Variants in ANO4 observed in about 807,000 individuals in gnomAD.
ANO4 encodes the protein anoctamin-4.
In ANO4, 69 loss-of-function variants were observed where a neutral mutation model predicts 141.9. The observed-to-expected ratio is 0.49, with a 90% CI of 0.40 to 0.59. ANO4 has a LOEUF of 0.59. Among genes scored for constraint, ANO4 ranks in the 20% least tolerant of loss-of-function variants. The pLI, the probability that ANO4 is intolerant of heterozygous loss-of-function variation, is 0.00. For missense variants in ANO4, 894 were observed against 1,162.2 expected, an observed-to-expected ratio of 0.77 and a Z score of 3.36; for synonymous variants, 350 against 394.3, an observed-to-expected ratio of 0.89 and a Z score of 1.33.
chr12:100,936,572 A>G (rs1297237645), intron 3 of ANO4, among the ~76,000 whole-genome samples: 1 of 152,208 alleles, frequency 6.6e-6, no homozygotes, highest in Non-Finnish European at 1.5e-5. Context: ...AAGGGGATAC[A>G]TACATATATC....
At chr12:100,950,447 A>G (rs1007431262) in intron 5 of ANO4, among the ~76,000 whole-genome samples, 1 of 152,204 alleles carries the variant, frequency 6.6e-6, no homozygotes, top group Non-Finnish European at 1.5e-5. Flanking sequence ...TTCAGGAGCT[A>G]CCAATGTCAG....
chr12:101,025,117 C>T (rs1353156271), intron 9 of ANO4, among the ~76,000 whole-genome samples: 1 of 152,198 alleles, frequency 6.6e-6, no homozygotes, highest in Non-Finnish European at 1.5e-5. Context: ...ACTTCCACTT[C>T]TGGCCAAGAT....
intron 2 of ANO4, among the ~76,000 whole-genome samples, chr12:100,736,150 T>A (rs2031601955): frequency 6.6e-6 from 1 of 152,098 alleles, no homozygotes; most frequent in Admixed American, 6.5e-5. Flanking sequence ...GGTGGCGGGA[T>A]GGGAGCCACG....
chr12:100,798,281 A>G (rs1001096552), intron 1 of ANO4, among the ~76,000 whole-genome samples: 5 of 152,196 alleles, frequency 3.3e-5, no homozygotes. Context: ...AATATTATTT[A>G]GCCAATATAA....
At chr12:100,991,513 T>TAAAAAAAAAAAAAAA (rs59975425) in intron 8 of ANO4, among the ~76,000 whole-genome samples, 1 of 111,172 alleles carries the variant, frequency 9.0e-6, no homozygotes, top group Non-Finnish European at 1.8e-5. Flanking sequence ...ATGAAAATAG[T>TAAAAAAAAAAAAAAA]AAAAAAAAAA....
chr12:100,960,610 A>T (rs2043376659), intron 5 of ANO4, among the ~76,000 whole-genome samples: 1 of 152,158 alleles, frequency 6.6e-6, no homozygotes, highest in South Asian at 2.1e-4. Context: ...AATAAAAAAA[A>T]AAAAGACAGA....
At chr12:101,066,280 A>C (rs1392198562) in intron 14 of ANO4, among the ~76,000 whole-genome samples, 1 of 152,230 alleles carries the variant, frequency 6.6e-6, no homozygotes, top group Non-Finnish European at 1.5e-5. Context: ...AATATGAGAA[A>C]GAAATAAATG....
At chr12:100,760,767 C>A (rs2032823158) in intron 3 of ANO4, among the ~76,000 whole-genome samples, 2 of 152,168 alleles carry the variant, frequency 1.3e-5, no homozygotes, top group Non-Finnish European at 2.9e-5. Context: ...GATTTCTATA[C>A]ATCGTCATGG....
intron 14 of ANO4, among the ~76,000 whole-genome samples, chr12:101,052,120 C>T (rs191480415): frequency 1.7e-4 from 26 of 152,058 alleles, no homozygotes; most frequent in Admixed American, 3.3e-4. Context: ...GTGTGTTCAC[C>T]GGAAAAAAAT....
intron 1 of ANO4, among the ~76,000 whole-genome samples, chr12:100,830,233 G>A (rs1156617106): frequency 6.6e-6 from 1 of 152,022 alleles, no homozygotes; most frequent in Non-Finnish European, 1.5e-5. Context: ...AAGCAACACA[G>A]TTTGCTGTTA....
intron 5 of ANO4, among the ~76,000 whole-genome samples, chr12:100,954,723 G>A (rs2043113993): frequency 6.6e-6 from 1 of 152,200 alleles, no homozygotes; most frequent in Admixed American, 6.5e-5. Context: ...TCTAACACCT[G>A]CCTTTGAGAC....
At chr12:100,745,151 C>G (rs2032047068) in intron 3 of ANO4, among the ~76,000 whole-genome samples, 1 of 152,226 alleles carries the variant, frequency 6.6e-6, no homozygotes, top group Non-Finnish European at 1.5e-5. Flanking sequence ...TCTCACCGCT[C>G]TGTACAGATG....
Position 100,731,570 on chromosome 12 carries a change from A to C in ANO4, c.23-2204A>C, listed in dbSNP as rs1009300132. ...TCACTCTTGGTTGTTGGGTAATTTA[A>C]TAATGACTTGTATCCACCATTGCAG... On this transcript the variant is annotated intron_variant, in intron 1 of 29. Coordinates refer to the ANO4 transcript ENST00000644049. Among the ~76,000 whole-genome samples, 3 of 152,218 alleles carry C rather than the reference A, an allele frequency of 2.0e-5. 1 individual carries two copies. The South Asian group carries it at 6.2e-4, about 32-fold the overall frequency.
At position 100,952,970 on chromosome 12, in the gene ANO4, A is replaced by T. The variant is rs559570542; in HGVS notation, c.456+10435A>T. ...ACTTCAGTCAAGACAGACCAACTTT[A>T]AGGGAAAAAAATACCCATTATACAA... is the stretch of plus-strand genomic sequence containing the variant. On this transcript the variant is annotated intron_variant, in intron 5 of 27. Transcript: ENST00000392977. 5.3e-5 allele frequency among the ~76,000 whole-genome samples: 8 copies of T among 152,270 alleles called. No individual in the cohort carries two copies. The East Asian group carries it at 1.3e-3, about 26-fold the overall frequency.
intron 1 of ANO4, among the ~76,000 whole-genome samples, chr12:100,805,981 C>A (rs2034997022): frequency 6.6e-6 from 1 of 152,052 alleles, no homozygotes; most frequent in African/African-American, 2.4e-5. Flanking sequence ...AAAGGAGCAA[C>A]CTAACAGCAA....
At chr12:100,827,583 A>G (rs1374594161) in intron 1 of ANO4, among the ~76,000 whole-genome samples, 2 of 152,022 alleles carry the variant, frequency 1.3e-5, no homozygotes, top group Non-Finnish European at 2.9e-5. Flanking sequence ...AATATCTGTC[A>G]GCTGACTAAA....
intron 1 of ANO4, among the ~76,000 whole-genome samples, chr12:100,847,990 G>A (rs2037662909): frequency 1.3e-5 from 2 of 152,196 alleles, no homozygotes; most frequent in African/African-American, 4.8e-5. Flanking sequence ...TGCCAAATAT[G>A]AGTCTTAAAC....
intron 26 of ANO4, among the ~76,000 whole-genome samples, chr12:101,124,599 T>C (rs1016221740): frequency 1.3e-5 from 2 of 152,226 alleles, no homozygotes; most frequent in African/African-American, 4.8e-5. Context: ...TTTTATAGTT[T>C]GGGGCTTTAC....
intron 2 of ANO4, among the ~76,000 whole-genome samples, chr12:100,734,809 G>A (rs1307803884): frequency 1.3e-5 from 2 of 152,118 alleles, no homozygotes; most frequent in African/African-American, 4.8e-5. Context: ...TTTATTATGA[G>A]GTTACTTAAG....
Sources: allele counts gnomAD v4.1 joint callset (sites outside exome capture counted in the v4.1 genomes callset), GRCh38; gene constraint gnomAD v4.1.1; transcripts MANE v1.5; gene names NCBI Gene and HGNC (gene_info 2026-07-23, HGNC 2026-07-21).